Variants in DDHD1 observed in about 807,000 individuals in gnomAD.
DDHD1 encodes the protein DDHD domain containing 1, also known as phospholipase DDHD1.
In DDHD1, 49 loss-of-function variants were observed where a neutral mutation model predicts 96.4. The observed-to-expected ratio is 0.51, with a 90% CI of 0.40 to 0.64. The LOEUF (loss-of-function observed/expected upper bound fraction) is 0.64. DDHD1 is among the 30% of genes least tolerant of loss of function. The pLI, the probability that DDHD1 is intolerant of heterozygous loss-of-function variation, is 0.00. For synonymous variants in DDHD1, 442 were observed against 446.5 expected (o/e 0.99, Z 0.13); for missense variants, 1,106 against 1,161.2 (o/e 0.95, Z 0.69).
At chr14:53,068,936 T>C (rs1487573241) in intron 6 of DDHD1, among the ~76,000 whole-genome samples, 5 of 152,242 alleles carry the variant, frequency 3.3e-5, no homozygotes, top group Admixed American at 1.3e-4. Context: ...AACTCCAGGA[T>C]TCCCTCCATC....
At chr14:53,123,775 G>A (rs374871820) in intron 1 of DDHD1, among the ~76,000 whole-genome samples, 21 of 152,254 alleles carry the variant, frequency 1.4e-4, no homozygotes, top group African/African-American at 4.3e-4. Flanking sequence ...ATTAAAAACC[G>A]GAGAATGGAG....
At chr14:53,048,311 T>C (rs1882208834) in intron 12 of DDHD1, among the ~76,000 whole-genome samples, 1 of 151,782 alleles carries the variant, frequency 6.6e-6, no homozygotes, top group African/African-American at 2.4e-5. Flanking sequence ...TACATTGACA[T>C]GGGCTTTTAA....
Position 53,037,797 on chromosome 14 carries a change from T to C in DDHD1, c.*8971A>G, listed in dbSNP as rs1163598610. The C allele has an allele frequency of 6.6e-6, 1 of 152,180 alleles. No homozygotes were observed. The highest frequency in any genetic ancestry group is 1.5e-5 in the Non-Finnish European group (1 of 68,022). The allele number at this position is 152,180 out of a possible 1,614,324, so 9.4% of individuals were successfully genotyped here. ...CTTTGGGGACTTAGCCAAAAGTTCT[T>C]TGCCAAGGCTGATGTTGATAAGGGT... is the stretch of plus-strand genomic sequence containing the variant. On this transcript the variant is annotated 3_prime_UTR_variant, in exon 13 of 13. Coordinates refer to ENST00000673822, the MANE Select transcript of DDHD1 (RefSeq NM_001160148.2).
intron 3 of DDHD1, 93 bp from the exon 4 acceptor site, chr14:53,092,025 A>G: frequency 7.6e-7 from 1 of 1,312,720 alleles, no homozygotes; most frequent in East Asian, 2.5e-5. Flanking sequence ...TAAAAGGAAT[A>G]TTATGAAAAA....
chr14:53,074,294 C>T (rs1302886266), intron 4 of DDHD1, among the ~76,000 whole-genome samples: 1 of 151,484 alleles, frequency 6.6e-6, no homozygotes, highest in East Asian at 1.9e-4. Flanking sequence ...CTTTTGGTGT[C>T]AGTTATATAA....
At chr14:53,054,256 G>GC (rs1261113355) in intron 11 of DDHD1, 182 bp downstream of exon 11, 4 of 547,284 alleles carry the variant, frequency 7.3e-6, no homozygotes, top group Non-Finnish European at 9.3e-6. Context: ...AAGTAAAACT[G>GC]CATTTTCCTG....
intron 2 of DDHD1, chr14:53,096,298 T>A (rs1886878487): frequency 4.4e-6 from 2 of 456,192 alleles, no homozygotes; most frequent in Middle Eastern, 1.1e-3. Flanking sequence ...TAGTATTAAC[T>A]TTAAAAAATG....
chr14:53,112,848 T>A (rs1382681329), intron 1 of DDHD1, among the ~76,000 whole-genome samples: 1 of 152,194 alleles, frequency 6.6e-6, no homozygotes, highest in African/African-American at 2.4e-5. Context: ...TTAACAAAAC[T>A]GGCTGCATGC....
intron 12 of DDHD1, 96 bp downstream of exon 12, chr14:53,051,748 T>A: frequency 2.1e-6 from 2 of 944,874 alleles, no homozygotes; most frequent in Non-Finnish European, 3.2e-6. Flanking sequence ...AGCTGGGATC[T>A]CATAGAAGAA....
intron 10 of DDHD1, 102 bp from the exon 11 acceptor site, chr14:53,054,731 C>A: frequency 1.8e-6 from 2 of 1,115,064 alleles, no homozygotes; most frequent in South Asian, 3.5e-5. Context: ...GGGACCAAAC[C>A]CTAGTCATGT....
At chr14:53,150,934 A>G (rs544217878) in intron 1 of DDHD1, among the ~76,000 whole-genome samples, 1 of 152,348 alleles carries the variant, frequency 6.6e-6, no homozygotes, top group South Asian at 2.1e-4. Flanking sequence ...CTGACCTTAT[A>G]AAAATGGTAA....
At chr14:53,150,153 C>T (rs1232281258) in intron 1 of DDHD1, 1 of 152,214 alleles carries the variant, frequency 6.6e-6, no homozygotes, top group South Asian at 2.1e-4. Context: ...GTGTAGACCT[C>T]ACTTCCTTAA....
intron 1 of DDHD1, among the ~76,000 whole-genome samples, chr14:53,132,571 T>C (rs1053751700): frequency 1.3e-5 from 2 of 152,156 alleles, no homozygotes; most frequent in African/African-American, 4.8e-5. Context: ...ACTCAGGCCC[T>C]CACTCTTGCA....
intron 1 of DDHD1, among the ~76,000 whole-genome samples, chr14:53,107,309 A>T (rs1887759740): frequency 6.6e-6 from 1 of 152,216 alleles, no homozygotes; most frequent in African/African-American, 2.4e-5. Flanking sequence ...AAATAAAGGT[A>T]ACTTGAACAC....
intron 4 of DDHD1, among the ~76,000 whole-genome samples, chr14:53,090,490 A>T (rs188435441): frequency 1.8e-4 from 27 of 152,336 alleles, no homozygotes; most frequent in Middle Eastern, 6.8e-3. Flanking sequence ...TTCATCAATG[A>T]TAGACTGGAT....
intron 4 of DDHD1, among the ~76,000 whole-genome samples, chr14:53,089,506 C>T (rs1197083618): frequency 5.9e-5 from 9 of 152,230 alleles, no homozygotes; most frequent in Admixed American, 2.6e-4. Context: ...TCAGAAATAA[C>T]ACCACACATC....
At chr14:53,094,780 C>T (rs1046537218) in intron 2 of DDHD1, among the ~76,000 whole-genome samples, 8 of 151,562 alleles carry the variant, frequency 5.3e-5, no homozygotes, top group Non-Finnish European at 1.0e-4. Flanking sequence ...GGAGGTCAAG[C>T]CTGCAATGAG....
chr14:53,132,725 C>CAAGGCCGCTTTACTTCCA (rs1259026642), intron 1 of DDHD1, among the ~76,000 whole-genome samples: 1 of 152,188 alleles, frequency 6.6e-6, no homozygotes, highest in Non-Finnish European at 1.5e-5. Flanking sequence ...AAACTCTTCT[C>CAAGGCCGCTTTACTTCCA]AAGGCCGCTT....
At chr14:53,070,601 G>C (rs575419393) in intron 6 of DDHD1, among the ~76,000 whole-genome samples, 10 of 152,184 alleles carry the variant, frequency 6.6e-5, no homozygotes, top group African/African-American at 2.2e-4. Flanking sequence ...GGAGAAATGA[G>C]ACACAACACT....
Sources: allele counts gnomAD v4.1 joint callset (sites outside exome capture counted in the v4.1 genomes callset), GRCh38; gene constraint gnomAD v4.1.1; transcripts MANE v1.5; gene names NCBI Gene and HGNC (gene_info 2026-07-23, HGNC 2026-07-21).